C20orf96: variants seen among roughly 807,000 people sequenced by gnomAD.
C20orf96 encodes uncharacterized protein C20orf96.
Under a neutral mutation model 52.6 loss-of-function variants are expected in C20orf96, and 57 were observed. That is an observed-to-expected ratio of 1.08 (90% CI 0.88 to 1.35). The LOEUF (loss-of-function observed/expected upper bound fraction) is 1.35. Among genes scored for constraint, C20orf96 ranks in the 40% most tolerant of loss-of-function variants. The pLI, the probability that C20orf96 is intolerant of heterozygous loss-of-function variation, is 0.00. For synonymous variants in C20orf96, 168 were observed against 157.2 expected, an observed-to-expected ratio of 1.07 and a Z score of -0.51; for missense variants, 478 against 443.6, an observed-to-expected ratio of 1.08 and a Z score of -0.70.
rs1276258217 is a variant in C20orf96, at chr20:284,020, T to C, written c.249A>G (p.Leu83=). 16 of 1,614,172 alleles carry C rather than the reference T, an allele frequency of 9.9e-6. No homozygotes were observed. Among genetic ancestry groups the C allele is most frequent in the Non-Finnish European group, 1.2e-5 (14 of 1,180,014 alleles). The change falls in exon 4 of 11, where the codon CTA becomes CTG. Residue 83 remains leucine, a synonymous_variant. Coordinates refer to ENST00000360321, the MANE Select transcript of C20orf96 (RefSeq NM_153269.3). ...CAGGGTCCAACTTCCGCCTTCTATG[T>C]AGTTCTCTTGGATTCTTCGGCTGGC... ...TSCQPKNPRE[L]HRRRKLDPGK...
intron 3 of C20orf96, among the ~76,000 whole-genome samples, chr20:284,959 C>T (rs775102005): frequency 6.6e-6 from 1 of 152,224 alleles, no homozygotes; most frequent in Non-Finnish European, 1.5e-5. Flanking sequence ...TCCCTCCATT[C>T]GTCCACCTAT....
chr20:275,619 T>C (rs75033427), intron 10 of C20orf96, among the ~76,000 whole-genome samples: 2,227 of 152,288 alleles, frequency 0.015, 26 homozygotes, highest in Middle Eastern at 0.034. Flanking sequence ...TTCCAGGCTA[T>C]TCTTCCCTGA....
chr20:274,653 C>T (rs1013188774), intron 10 of C20orf96, among the ~76,000 whole-genome samples: 29 of 152,090 alleles, frequency 1.9e-4, no homozygotes, highest in Admixed American at 1.9e-3. Flanking sequence ...CTGGCACCAC[C>T]GCCTAGAATT....
chr20:276,975 G>A (rs944093061), intron 8 of C20orf96, 69 bp downstream of exon 8: 4 of 1,596,926 alleles, frequency 2.5e-6, no homozygotes, highest in Non-Finnish European at 3.4e-6. Flanking sequence ...TGGAGGCAGA[G>A]GATGGGGAAG....
At chr20:279,759 C>T (rs6035552) in intron 4 of C20orf96, among the ~76,000 whole-genome samples, 1 of 151,836 alleles carries the variant, frequency 6.6e-6, no homozygotes, top group South Asian at 2.1e-4. Flanking sequence ...ATCACGAGGT[C>T]AAGAGTTCGA....
chr20:276,956 C>T (rs967044811), intron 8 of C20orf96, 77 bp from the exon 9 acceptor site: 14 of 1,599,878 alleles, frequency 8.8e-6, no homozygotes, highest in Non-Finnish European at 1.2e-5. Context: ...GATGGGGCTG[C>T]AGTGGGCCTG....
Position 276,807 on chromosome 20 carries a change from G to A in C20orf96, c.898C>T (p.Gln300Ter). The A allele has an allele frequency of 1.9e-6, 3 of 1,613,316 alleles. No individual in the cohort carries two copies. Among genetic ancestry groups the A allele is most frequent in the Non-Finnish European group, 2.5e-6 (3 of 1,179,588 alleles). Residue 300 changes from glutamine to a stop codon, truncating the protein, a stop_gained, in exon 9 of 11, where the codon CAA (glutamine) becomes TAA (stop). Transcript: ENST00000360321. LOFTEE classifies it high-confidence loss of function. Reference sequence around the variant, plus strand: ...TGCCCACGCACTTCTCTGAACCTTTGCATGCATTTCAGGAAGTCCTGGCTT... The same window carrying A: ...TGCCCACGCACTTCTCTGAACCTTTACATGCATTTCAGGAAGTCCTGGCTT... Reference protein sequence around the residue: ...WESQDFLKCMQRFREIIDQFE... With the variant: ...WESQDFLKCM
rs1306699596 is a variant in C20orf96, at chr20:279,114, GGGAGGGACGGAGGTTGGGACGGAGGGAC to G, written c.465+30_465+57del. 4.1e-5 allele frequency: 44 copies of G among 1,071,636 alleles called. No individual in the cohort carries two copies. In the African/African-American group the frequency reaches 9.6e-4, roughly 23 times the overall value. The allele number at this position is 1,071,636 out of a possible 1,614,324, so 66.4% of individuals were successfully genotyped here. On this transcript the variant is annotated intron_variant, in intron 5 of 10. Coordinates refer to ENST00000360321, the MANE Select transcript of C20orf96 (RefSeq NM_153269.3). ...CGGGACGGAGGGACGGAGGGAGGGA[GGGAGGGACGGAGGTTGGGACGGAGGGAC>G]GGAGGGCGGGCGGATGCCGCGGGTC...
intron 1 of C20orf96, 124 bp from the exon 2 acceptor site, chr20:290,431 GCGGGAGTGGGGCGGGGCC>G: frequency 6.5e-7 from 1 of 1,543,360 alleles, no homozygotes; most frequent in Non-Finnish European, 8.8e-7. Context: ...CAATAGCCCC[GCGGGAGTGGGGCGGGGCC>G]AAGGAGATGT....
chr20:279,058 C>CGGAGGGTG lies in C20orf96; in HGVS notation c.465+113_465+114insCACCCTCC, dbSNP rs1444352135. The CGGAGGGTG allele has an allele frequency of 1.2e-3, 109 of 94,596 alleles. 1 individual carries two copies. The highest frequency in any genetic ancestry group is 2.6e-3 in the Middle Eastern group (1 of 386). 5.9% of individuals were successfully genotyped at this position (94,596 alleles called of 1,614,324 possible). On this transcript the variant is annotated intron_variant, in intron 5 of 10. Coordinates refer to ENST00000360321, the MANE Select transcript of C20orf96 (RefSeq NM_153269.3). ...CGGGACGGAGGGCGGGAGGGCGGGA[C>CGGAGGGTG]GGAGGGAGGGAGGGAGGGAGGGACG...
At position 274,300 on chromosome 20, in the gene C20orf96, T is replaced by G. The variant is rs113302956; in HGVS notation, c.1031+1668A>C. 6.5e-3 allele frequency among the ~76,000 whole-genome samples: 981 copies of G among 152,076 alleles called. 7 individuals are homozygous for G. The highest frequency in any genetic ancestry group is 0.023 in the African/African-American group (942 of 41,484). The stretch of plus-strand genomic sequence containing the variant: ...CTCTCTCTGCCCCCTTAAATTCTGC[T>G]TTTGGAAAGGGGGTATGACCACCAG... On this transcript the variant is annotated intron_variant, in intron 10 of 10. Coordinates refer to ENST00000360321, the MANE Select transcript of C20orf96 (RefSeq NM_153269.3).
chr20:278,278 C>T, intron 6 of C20orf96, 52 bp downstream of exon 6: 6 of 1,365,012 alleles, frequency 4.4e-6, no homozygotes, highest in East Asian at 2.3e-5. Context: ...CTGCTGCTGA[C>T]CTCCCCAAGG....
chr20:273,180 G>T (rs2011894781), intron 10 of C20orf96, among the ~76,000 whole-genome samples: 1 of 152,106 alleles, frequency 6.6e-6, no homozygotes, highest in Non-Finnish European at 1.5e-5. Flanking sequence ...TCACCATGTT[G>T]CCCAAGCTGG....
Position 289,645 on chromosome 20 carries a change from T to A in C20orf96, c.101A>T (p.Glu34Val). The A allele has an allele frequency of 6.2e-7, 1 of 1,614,054 alleles. No homozygotes were observed. The highest frequency in any genetic ancestry group is 8.5e-7 in the Non-Finnish European group (1 of 1,179,958). ...TGGAGGCAGAGTAGATGGCTTGGTT[T>A]CCTGCTTGGACTGCTGCCATGGAAC... is the stretch of plus-strand genomic sequence containing the variant. ...DYVPWQQSKQ[E>V]TKPSTLPPVQ... is the part of the protein sequence containing the mutation. Residue 34 changes from glutamate to valine, a missense_variant, in exon 3 of 11, where the codon GAA becomes GTA. Glu to Val is a moderately radical substitution (Grantham distance 121, BLOSUM62 -2). Coordinates refer to ENST00000360321, the MANE Select transcript of C20orf96 (RefSeq NM_153269.3).
chr20:290,211 G>A lies in C20orf96; in HGVS notation c.69+48C>T, dbSNP rs537650032. ...CGTGAGAGTGGAGAGCAGGTGGACT[G>A]CAGGGCCAGCGAGCCTCCCACCCCA... is the stretch of plus-strand genomic sequence containing the variant. On this transcript the variant is annotated intron_variant, in intron 2 of 10. Coordinates refer to ENST00000360321, the MANE Select transcript of C20orf96 (RefSeq NM_153269.3). 1.6e-4 allele frequency: 225 copies of A among 1,446,206 alleles called. 4 individuals are homozygous for A. The South Asian group carries it at 2.5e-3, about 16-fold the overall frequency. The allele number at this position is 1,446,206 out of a possible 1,614,324, so 89.6% of individuals were successfully genotyped here.
intron 3 of C20orf96, among the ~76,000 whole-genome samples, chr20:289,195 G>GAC (rs1224609096): frequency 9.2e-5 from 11 of 119,676 alleles, no homozygotes; most frequent in Non-Finnish European, 2.0e-4. Flanking sequence ...TTCAAATCTG[G>GAC]ACCCCCCCCA....
chr20:282,879 A>T (rs2012287679), intron 4 of C20orf96, among the ~76,000 whole-genome samples: 1 of 152,146 alleles, frequency 6.6e-6, no homozygotes, highest in Non-Finnish European at 1.5e-5. Context: ...CTCAAAAAAA[A>T]ATTTTTTTAA....
intron 7 of C20orf96, 34 bp from the exon 8 acceptor site, chr20:277,179 C>T: frequency 6.2e-7 from 1 of 1,613,582 alleles, no homozygotes; most frequent in East Asian, 2.2e-5. Context: ...GGTCACCAGT[C>T]CTGCCTCCCA....
Position 278,444 on chromosome 20 carries a change from G to C in C20orf96, c.466-15C>G. On this transcript the variant is annotated splice_polypyrimidine_tract_variant and intron_variant, in intron 5 of 10. Coordinates refer to ENST00000360321, the MANE Select transcript of C20orf96 (RefSeq NM_153269.3). Reference sequence around the variant, plus strand: ...TCGATGATGGTCTGCGGGAGGGGTGGAGTCAACTCACCCACAGGCTCTGCT... The same window carrying C: ...TCGATGATGGTCTGCGGGAGGGGTGCAGTCAACTCACCCACAGGCTCTGCT... 1.2e-6 allele frequency: 2 copies of C among 1,600,086 alleles called. No homozygotes were observed. The highest frequency in any genetic ancestry group is 1.7e-6 in the Non-Finnish European group (2 of 1,167,488).
Sources: gnomAD v4.1 joint callset for allele counts (sites outside exome capture counted in the v4.1 genomes callset) on GRCh38, gnomAD v4.1.1 for gene constraint, MANE v1.5 for transcripts, NCBI Gene and HGNC (gene_info 2026-07-23, HGNC 2026-07-21) for gene names.